Variants in XPR1 observed in about 807,000 individuals in gnomAD.
XPR1 encodes xenotropic and polytropic retrovirus receptor 1.
In XPR1, 28 loss-of-function variants were observed where a neutral mutation model predicts 87.5. The ratio of observed to expected loss-of-function variants is 0.32; its 90% confidence interval spans 0.24 to 0.44. The LOEUF (loss-of-function observed/expected upper bound fraction) is 0.44. Ranked by LOEUF, XPR1 falls within the 20% of genes least tolerant of loss-of-function variation. XPR1 has a pLI of 1.00. For missense variants in XPR1, 559 were observed against 862.3 expected, an observed-to-expected ratio of 0.65 and a Z score of 4.41; for synonymous variants, 300 against 306.1, an observed-to-expected ratio of 0.98 and a Z score of 0.21.
At chr1:180,646,394 TG>T (rs1269225266) in intron 1 of XPR1, among the ~76,000 whole-genome samples, 3 of 151,460 alleles carry the variant, frequency 2.0e-5, no homozygotes, top group Non-Finnish European at 4.4e-5. Flanking sequence ...TTCATGTTCA[TG>T]TTTTTTTTTT....
intron 11 of XPR1, among the ~76,000 whole-genome samples, chr1:180,857,777 C>T (rs1652083204): frequency 6.6e-6 from 1 of 152,006 alleles, no homozygotes; most frequent in Non-Finnish European, 1.5e-5. Flanking sequence ...TATTTGTTTG[C>T]TGAATATACA....
intron 6 of XPR1, among the ~76,000 whole-genome samples, chr1:180,810,787 A>G (rs968257823): frequency 8.6e-5 from 13 of 151,386 alleles, no homozygotes; most frequent in Middle Eastern, 3.2e-3. Flanking sequence ...GTATATATAT[A>G]TGTGTATATA....
At chr1:180,714,382 TCTCTCTC>T (rs1657913373) in intron 2 of XPR1, among the ~76,000 whole-genome samples, 1 of 148,718 alleles carries the variant, frequency 6.7e-6, no homozygotes, top group Non-Finnish European at 1.5e-5. Context: ...TCTCTCTCTC[TCTCTCTC>T]TCTCTCTCTC....
intron 11 of XPR1, among the ~76,000 whole-genome samples, chr1:180,839,563 T>C (rs769296164): frequency 1.4e-4 from 21 of 152,190 alleles, no homozygotes; most frequent in Non-Finnish European, 2.6e-4. Flanking sequence ...GCAATATACC[T>C]GTAGGTGAGG....
chr1:180,837,059 G>C (rs1651318484), intron 11 of XPR1, among the ~76,000 whole-genome samples: 1 of 151,938 alleles, frequency 6.6e-6, no homozygotes, highest in African/African-American at 2.4e-5. Flanking sequence ...ATGTCTTGGT[G>C]AAAAAAAATT....
intron 2 of XPR1, among the ~76,000 whole-genome samples, chr1:180,767,230 C>G (rs1648320704): frequency 6.6e-6 from 1 of 152,122 alleles, no homozygotes; most frequent in Non-Finnish European, 1.5e-5. Context: ...GCAATATAAT[C>G]AGAAGAGTTT....
At chr1:180,750,029 C>T (rs142246331) in intron 2 of XPR1, among the ~76,000 whole-genome samples, 2 of 152,142 alleles carry the variant, frequency 1.3e-5, no homozygotes, top group East Asian at 3.9e-4. Flanking sequence ...CCTTGAATAA[C>T]GATGTTTATT....
intron 1 of XPR1, among the ~76,000 whole-genome samples, chr1:180,641,263 C>T (rs942013643): frequency 1.1e-4 from 17 of 152,142 alleles, no homozygotes; most frequent in African/African-American, 4.1e-4. Context: ...CAATACCTGG[C>T]ACATAGTAAC....
chr1:180,712,198 C>A (rs1238930604), intron 2 of XPR1, among the ~76,000 whole-genome samples: 1 of 152,124 alleles, frequency 6.6e-6, no homozygotes, highest in Non-Finnish European at 1.5e-5. Context: ...ATTACTCTTG[C>A]CCTTTGTGGC....
chr1:180,876,340 C>G (rs1447278810), intron 13 of XPR1, among the ~76,000 whole-genome samples: 2 of 152,052 alleles, frequency 1.3e-5, no homozygotes, highest in South Asian at 2.1e-4. Context: ...ATTTAACATT[C>G]AAAAATCAAT....
At chr1:180,873,734 T>G (rs1249136364) in intron 12 of XPR1, 69 bp from the exon 13 acceptor site, 2 of 1,550,216 alleles carry the variant, frequency 1.3e-6, no homozygotes, top group Admixed American at 3.5e-5. Context: ...GTAGGACATA[T>G]GCTCATTGGT....
At chr1:180,880,043 C>A (rs779420411) in intron 13 of XPR1, 33 bp from the exon 14 acceptor site, 1 of 1,610,586 alleles carries the variant, frequency 6.2e-7, no homozygotes, top group Non-Finnish European at 8.5e-7. Context: ...GTTACAATTT[C>A]ATAAGTACTT....
At chr1:180,698,931 T>G (rs1305643251) in intron 2 of XPR1, among the ~76,000 whole-genome samples, 2 of 143,922 alleles carry the variant, frequency 1.4e-5, no homozygotes, top group African/African-American at 5.0e-5. Context: ...CTTGATGTTT[T>G]CAGAATTCTC....
intron 2 of XPR1, among the ~76,000 whole-genome samples, chr1:180,766,523 T>C (rs1485040460): frequency 6.6e-6 from 1 of 152,164 alleles, no homozygotes; most frequent in African/African-American, 2.4e-5. Flanking sequence ...GGAAGAAATA[T>C]AATTTCAAAA....
intron 1 of XPR1, among the ~76,000 whole-genome samples, chr1:180,660,497 C>T (rs1184921514): frequency 1.3e-5 from 2 of 151,844 alleles, no homozygotes; most frequent in Non-Finnish European, 2.9e-5. Context: ...ATAAACTTTC[C>T]TCTTAGTACT....
In XPR1 at chr1:180,749,024, C is replaced by A. The variant is rs932864203; in HGVS notation, c.122-38729C>A. Among the ~76,000 whole-genome samples, 11 of 152,182 alleles carry A rather than the reference C, an allele frequency of 7.2e-5. 1 individual carries two copies. In the East Asian group the frequency reaches 1.7e-3, roughly 24 times the overall value. On this transcript the variant is annotated intron_variant, in intron 2 of 14. Coordinates refer to ENST00000367590, the MANE Select transcript of XPR1 (RefSeq NM_004736.4). ...GACCAGCCTGGGTAATATAGCGAGA[C>A]CTTGTCTCTACTAAAAATTTTAAAA...
intron 2 of XPR1, among the ~76,000 whole-genome samples, chr1:180,723,711 G>A (rs1301722802): frequency 1.3e-5 from 2 of 151,994 alleles, no homozygotes; most frequent in Non-Finnish European, 2.9e-5. Context: ...TATCTGTTAT[G>A]CCCTGGTGAT....
intron 2 of XPR1, among the ~76,000 whole-genome samples, chr1:180,732,826 T>C (rs1252200411): frequency 6.6e-6 from 1 of 152,234 alleles, no homozygotes; most frequent in Non-Finnish European, 1.5e-5. Flanking sequence ...CTTACCTTGG[T>C]GTACAGGAAG....
At chr1:180,698,302 C>A (rs1288885862) in intron 2 of XPR1, among the ~76,000 whole-genome samples, 2 of 152,000 alleles carry the variant, frequency 1.3e-5, no homozygotes, top group African/African-American at 4.8e-5. Flanking sequence ...CCCTTTCAGT[C>A]TATATGTGTC....
Sources: allele counts gnomAD v4.1 joint callset (sites outside exome capture counted in the v4.1 genomes callset), GRCh38; gene constraint gnomAD v4.1.1; transcripts MANE v1.5; gene names NCBI Gene and HGNC (gene_info 2026-07-23, HGNC 2026-07-21).